The following FGF14 variants were observed in gnomAD, a reference collection of about 807,000 sequenced individuals.
FGF14 encodes the protein fibroblast growth factor 14, also known as fibroblast growth factor homologous factor 4.
FGF14 carries 5 observed loss-of-function variants against 25.5 expected under a neutral mutation model. The ratio of observed to expected loss-of-function variants is 0.20; its 90% confidence interval spans 0.10 to 0.41. The LOEUF is 0.41. Among genes scored for constraint, FGF14 ranks in the 10% least tolerant of loss-of-function variants. The pLI is 1.00. For synonymous variants in FGF14, 138 were observed against 118.3 expected (o/e 1.17, Z -1.08); for missense variants, 222 against 320.1 (o/e 0.69, Z 2.34).
chr13:102,016,411 A>T (rs1394961022), intron 1 of FGF14, among the ~76,000 whole-genome samples: 1 of 152,182 alleles, frequency 6.6e-6, no homozygotes, highest in Non-Finnish European at 1.5e-5. Context: ...ACAAGGAATA[A>T]TGTGAGACAA....
intron 1 of FGF14, among the ~76,000 whole-genome samples, chr13:102,133,116 T>G (rs1213092442): frequency 6.6e-6 from 1 of 152,228 alleles, no homozygotes; most frequent in Non-Finnish European, 1.5e-5. Flanking sequence ...TTTATTTTCA[T>G]CAGCGATTTC....
At chr13:101,928,878 T>A (rs1389327436) in intron 1 of FGF14, among the ~76,000 whole-genome samples, 1 of 152,192 alleles carries the variant, frequency 6.6e-6, no homozygotes, top group Non-Finnish European at 1.5e-5. Context: ...CAGTCCATTT[T>A]TTTTTTCTAT....
chr13:101,943,748 C>G (rs913940955), intron 1 of FGF14, among the ~76,000 whole-genome samples: 1 of 150,380 alleles, frequency 6.6e-6, no homozygotes, highest in Admixed American at 6.6e-5. Flanking sequence ...CCGAGACAGG[C>G]GGATCACCTG....
At chr13:102,223,338 T>C (rs1431012924) in intron 1 of FGF14, among the ~76,000 whole-genome samples, 1 of 152,166 alleles carries the variant, frequency 6.6e-6, no homozygotes, top group East Asian at 1.9e-4. Flanking sequence ...GAGTGAAAAC[T>C]GTCCTGGCTA....
chr13:102,356,471 A>G (rs2057420159), intron 1 of FGF14, among the ~76,000 whole-genome samples: 1 of 152,242 alleles, frequency 6.6e-6, no homozygotes, highest in Admixed American at 6.5e-5. Context: ...GTGAAGGTTC[A>G]TATGTCAGTC....
chr13:102,172,328 A>G (rs2048284458), intron 1 of FGF14, among the ~76,000 whole-genome samples: 1 of 152,068 alleles, frequency 6.6e-6, no homozygotes, highest in African/African-American at 2.4e-5. Context: ...TTAGCATGCC[A>G]ATGATGACAA....
At chr13:102,100,189 C>T (rs1297850263) in intron 1 of FGF14, among the ~76,000 whole-genome samples, 8 of 152,092 alleles carry the variant, frequency 5.3e-5, no homozygotes, top group Non-Finnish European at 7.4e-5. Flanking sequence ...TTGAAACCCT[C>T]GAGACCTAGC....
intron 1 of FGF14, among the ~76,000 whole-genome samples, chr13:102,233,338 C>A (rs142758701): frequency 0.012 from 1,753 of 152,158 alleles, 25 homozygotes; most frequent in African/African-American, 0.039. Flanking sequence ...ACCATGTTGG[C>A]CAGGCTGTTT....
rs928913647 is a variant in FGF14, at chr13:101,714,682, G to A, written c.*8149C>T. 18 of 639,780 alleles carry A rather than the reference G, an allele frequency of 2.8e-5. No individual in the cohort carries two copies. The highest frequency in any genetic ancestry group is 1.8e-4 in the Admixed American group (7 of 39,512). The allele number at this position is 639,780 out of a possible 1,614,324, so 39.6% of individuals were successfully genotyped here. A position where few individuals can be genotyped will look rare whatever the true frequency, so the allele number is the denominator to read the frequency against. ...TGAATATGAAATATCTACCAAAGGC[G>A]AAGTGGGCATTTGGGAAAAAGCCCT... On this transcript the variant is annotated 3_prime_UTR_variant, in exon 5 of 5. Transcript: ENST00000376143.
Position 101,715,748 on chromosome 13 carries a change from G to A in FGF14, c.*7083C>T. The A allele has an allele frequency of 1.4e-6, 1 of 716,838 alleles. No individual in the cohort carries two copies. Among genetic ancestry groups the A allele is most frequent in the Non-Finnish European group, 2.5e-6 (1 of 406,716 alleles). 44.4% of individuals were successfully genotyped at this position (716,838 alleles called of 1,614,324 possible). On this transcript the variant is annotated 3_prime_UTR_variant, in exon 5 of 5. Transcript: ENST00000376143. ...CCATGTATATTCACCACTAGGACAG[G>A]TTAAAAAGACCATTGTATGTTTTTC...
chr13:102,181,403 C>A (rs1361450143), intron 1 of FGF14, among the ~76,000 whole-genome samples: 2 of 152,116 alleles, frequency 1.3e-5, no homozygotes, highest in Admixed American at 6.6e-5. Context: ...TATTGAAGTC[C>A]TAATCCCTGA....
At chr13:102,009,989 G>A (rs147855477) in intron 1 of FGF14, among the ~76,000 whole-genome samples, 81 of 152,270 alleles carry the variant, frequency 5.3e-4, no homozygotes, top group African/African-American at 1.9e-3. Flanking sequence ...GTTCTTAAAT[G>A]TTGAATGATG....
At chr13:102,219,812 A>G (rs1433558171) in intron 1 of FGF14, among the ~76,000 whole-genome samples, 1 of 152,174 alleles carries the variant, frequency 6.6e-6, no homozygotes, top group African/African-American at 2.4e-5. Flanking sequence ...TTCTCAAGAA[A>G]TATGTATTTG....
intron 3 of FGF14, among the ~76,000 whole-genome samples, chr13:101,776,750 T>G (rs960344107): frequency 1.3e-5 from 2 of 152,226 alleles, no homozygotes; most frequent in African/African-American, 4.8e-5. Flanking sequence ...CTTAGTACAT[T>G]CGGTATTCTT....
At chr13:101,771,693 A>G (rs2038783430) in intron 3 of FGF14, among the ~76,000 whole-genome samples, 1 of 152,162 alleles carries the variant, frequency 6.6e-6, no homozygotes, top group South Asian at 2.1e-4. Context: ...AATGGGCTGA[A>G]AACATTTTTA....
intron 1 of FGF14, chr13:102,263,010 T>A: frequency 1.7e-6 from 1 of 595,538 alleles, no homozygotes; most frequent in African/African-American, 1.9e-5. Context: ...TCAGACAGCA[T>A]AAATATGTGT....
rs556509159 is a variant in FGF14 at position 101,913,251 on chromosome 13, T to C, written c.193+3202A>G. Among the ~76,000 whole-genome samples, 127 of 152,318 alleles carry C rather than the reference T, an allele frequency of 8.3e-4. 1 individual carries two copies. Among genetic ancestry groups the C allele is most frequent in the African/African-American group, 2.9e-3 (119 of 41,572 alleles). ...AATTTGCGGGGTGTGTGGCATTGTA[T>C]TGTGTTTGAAATCTGTGGAGGTCGG... On this transcript the variant is annotated intron_variant, in intron 1 of 4. Transcript: ENST00000376143.
intron 1 of FGF14, among the ~76,000 whole-genome samples, chr13:102,347,033 A>T (rs2057128908): frequency 6.6e-6 from 1 of 152,216 alleles, no homozygotes; most frequent in South Asian, 2.1e-4. Context: ...GGAGGTCTGG[A>T]GCCCATGTCC....
At chr13:102,145,406 G>C (rs1191116610) in intron 1 of FGF14, among the ~76,000 whole-genome samples, 1 of 152,162 alleles carries the variant, frequency 6.6e-6, no homozygotes, top group African/African-American at 2.4e-5. Flanking sequence ...CATGGTGGCA[G>C]AGTGGTAAGA....
Sources: gnomAD v4.1 joint callset for allele counts (sites outside exome capture counted in the v4.1 genomes callset) on GRCh38, gnomAD v4.1.1 for gene constraint, MANE v1.5 for transcripts, NCBI Gene and HGNC (gene_info 2026-07-23, HGNC 2026-07-21) for gene names.